Variants in OR2L5 observed in about 807,000 individuals in gnomAD.
OR2L5 encodes olfactory receptor 2L5.
For missense variants in OR2L5, 413 were observed against 381.6 expected, an observed-to-expected ratio of 1.08 and a Z score of -0.69; for synonymous variants, 169 against 142.0, an observed-to-expected ratio of 1.19 and a Z score of -1.35.
intron 1 of OR2L5, among the ~76,000 whole-genome samples, chr1:248,017,658 A>G (rs1474735000): frequency 6.6e-6 from 1 of 151,796 alleles, no homozygotes; most frequent in Non-Finnish European, 1.5e-5. Context: ...GGGTGAGGAG[A>G]TGGGGGTCCA....
At chr1:248,019,434 C>T (rs148638171) in intron 1 of OR2L5, among the ~76,000 whole-genome samples, 168 of 152,206 alleles carry the variant, frequency 1.1e-3, no homozygotes, top group African/African-American at 3.8e-3. Flanking sequence ...ATCGAGAAGC[C>T]TCTCAATCAT....
chr1:248,019,110 A>T (rs999689191), intron 1 of OR2L5, among the ~76,000 whole-genome samples: 1 of 152,110 alleles, frequency 6.6e-6, no homozygotes, highest in Non-Finnish European at 1.5e-5. Flanking sequence ...CCATATAAGT[A>T]TCTTTCTGAG....
intron 1 of OR2L5, among the ~76,000 whole-genome samples, chr1:248,017,128 A>C (rs74153010): frequency 0.036 from 5,500 of 152,224 alleles, 305 homozygotes; most frequent in African/African-American, 0.13. Context: ...TGACATCATT[A>C]ATGCTGATGC....
Position 248,022,202 on chromosome 1 carries a change from G to T in OR2L5, c.255G>T (p.Leu85=), listed in dbSNP as rs771992703. 2 of 1,613,946 alleles carry T rather than the reference G, an allele frequency of 1.2e-6. No homozygotes were observed. Among genetic ancestry groups the T allele is most frequent in the African/African-American group, 2.7e-5 (2 of 74,890 alleles). Residue 85 remains leucine, a synonymous_variant, in exon 2 of 2, where the codon CTG becomes CTT. Transcript: ENST00000355281. Reference sequence around the variant, plus strand: ...TTCCTAAGATGGCTTCTGATTTTCTGTATGGAAACAAGTCTATCTCCTTCA... The same window carrying T: ...TTCCTAAGATGGCTTCTGATTTTCTTTATGGAAACAAGTCTATCTCCTTCA... ...TIVPKMASDF[L]YGNKSISFIG...
chr1:248,022,070 C>T lies in OR2L5; in HGVS notation c.123C>T (p.Asn41=), dbSNP rs778111135. The part of the protein sequence containing the change: ...VLIFLMALIG[N]LSMILLIFLD... ...TTTTCCTAATGGCTCTAATTGGAAA[C>T]CTATCCATGATTCTTCTCATCTTCT... Residue 41 remains asparagine (N), a synonymous_variant, in exon 2 of 2, where the codon AAC becomes AAT. Transcript: ENST00000355281. The T allele has an allele frequency of 1.1e-5, 18 of 1,613,818 alleles. No individual in the cohort carries two copies. Among genetic ancestry groups the T allele is most frequent in the African/African-American group, 6.7e-5 (5 of 74,922 alleles).
rs561696753 is a variant in OR2L5, at chr1:248,022,943, A to G, written c.*57A>G. 3.8e-5 allele frequency: 55 copies of G among 1,462,888 alleles called. No individual in the cohort carries two copies. The highest frequency in any genetic ancestry group is 5.0e-5 in the Non-Finnish European group (54 of 1,083,826). 90.6% of individuals were successfully genotyped at this position (1,462,888 alleles called of 1,614,324 possible). A position where few individuals can be genotyped will look rare whatever the true frequency, so the allele number is the denominator to read the frequency against. ...GGTTCATATCAACTCAGCAGTGTAC[A>G]GCAGTGAAGAAAAACATTATTACAT... On this transcript the variant is annotated 3_prime_UTR_variant, in exon 2 of 2. Coordinates refer to ENST00000355281, the MANE Select transcript of OR2L5 (RefSeq NM_001258284.2).
intron 1 of OR2L5, among the ~76,000 whole-genome samples, chr1:248,017,015 C>T (rs891913747): frequency 2.6e-5 from 4 of 152,118 alleles, no homozygotes; most frequent in African/African-American, 9.7e-5. Context: ...ATAATGTTAT[C>T]GTTCCTTTCA....
At chr1:248,017,494 G>A (rs560404390) in intron 1 of OR2L5, among the ~76,000 whole-genome samples, 1 of 152,212 alleles carries the variant, frequency 6.6e-6, no homozygotes, top group South Asian at 2.1e-4. Flanking sequence ...GCAAAGTCAT[G>A]TTAACAAGAG....
chr1:248,020,938 C>G (rs1662319529), intron 1 of OR2L5, among the ~76,000 whole-genome samples: 2 of 151,432 alleles, frequency 1.3e-5, no homozygotes, highest in African/African-American at 4.8e-5. Context: ...AATTATTATG[C>G]AAAGACAATT....
chr1:248,016,593 C>G (rs1334275093), intron 1 of OR2L5, among the ~76,000 whole-genome samples: 1 of 151,938 alleles, frequency 6.6e-6, no homozygotes, highest in African/African-American at 2.4e-5. Context: ...GTAAATTTAA[C>G]CTCTGTCTTT....
At chr1:248,021,033 AATCATCCAGAAAAC>A (rs1175599920) in intron 1 of OR2L5, among the ~76,000 whole-genome samples, 2 of 152,014 alleles carry the variant, frequency 1.3e-5, no homozygotes, top group Admixed American at 6.6e-5. Flanking sequence ...TGTAGAAAAA[AATCATCCAGAAAAC>A]ATAATGCTAA....
In OR2L5 at chr1:248,022,265, T is replaced by C; in HGVS notation, c.318T>C (p.Phe106=). The part of the protein sequence containing the change: ...CGIQSFFFMT[F]AGAEALLLTS... The stretch of plus-strand genomic sequence containing the variant: ...TTCAGAGTTTCTTCTTCATGACTTT[T>C]GCAGGTGCAGAAGCGCTGCTCCTGA... The change falls in exon 2 of 2, where the codon TTT becomes TTC. Residue 106 remains phenylalanine (F), a synonymous_variant. Coordinates refer to ENST00000355281, the MANE Select transcript of OR2L5 (RefSeq NM_001258284.2). The C allele has an allele frequency of 1.9e-6, 3 of 1,614,222 alleles. No homozygotes were observed. Among genetic ancestry groups the C allele is most frequent in the Non-Finnish European group, 2.5e-6 (3 of 1,180,038 alleles).
chr1:248,014,616 C>G (rs1317291907), intron 1 of OR2L5, among the ~76,000 whole-genome samples: 3 of 152,072 alleles, frequency 2.0e-5, no homozygotes, highest in Non-Finnish European at 4.4e-5. Context: ...TATTACTCTA[C>G]AGTCATAGCA....
intron 1 of OR2L5, among the ~76,000 whole-genome samples, chr1:248,018,794 T>C (rs1022512044): frequency 1.3e-5 from 2 of 152,200 alleles, no homozygotes; most frequent in Admixed American, 6.5e-5. Context: ...CTCCACACAA[T>C]TATTCTCCTT....
In OR2L5 at chr1:248,022,741, G is replaced by T; in HGVS notation, c.794G>T (p.Arg265Leu). Residue 265 changes from arginine to leucine, a missense_variant, in exon 2 of 2, where the codon CGA becomes CTA. Arg to Leu is a moderately radical substitution (Grantham distance 102). Transcript: ENST00000355281. ...AYTYLCPRSLRSLTEDKVLAV... is the reference protein window; with the variant it reads ...AYTYLCPRSLLSLTEDKVLAV... ...ACCTATCTATGTCCAAGATCCCTGCGATCTCTGACAGAGGACAAGGTTCTG... is the reference window on the plus strand; with the variant it reads ...ACCTATCTATGTCCAAGATCCCTGCTATCTCTGACAGAGGACAAGGTTCTG... 1 of 1,614,012 alleles carries T rather than the reference G, an allele frequency of 6.2e-7. No individual in the cohort carries two copies. Among genetic ancestry groups the T allele is most frequent in the Non-Finnish European group, 8.5e-7 (1 of 1,180,006 alleles).
intron 1 of OR2L5, among the ~76,000 whole-genome samples, chr1:248,017,935 G>A (rs1017462348): frequency 5.9e-5 from 9 of 151,852 alleles, no homozygotes; most frequent in African/African-American, 1.9e-4. Flanking sequence ...AAATACATTC[G>A]TATCGAGACC....
rs756499116 is a variant in OR2L5, at chr1:248,022,883, G to A, written c.936G>A (p.Met312Ile). ...RVIQNIFSVKM is the reference protein window; with the variant it reads ...RVIQNIFSVKI ...TTCAGAATATCTTCTCGGTGAAAAT[G>A]TAGACATACGTTCTGTGTTAGAGTC... The change falls in exon 2 of 2, where the codon ATG becomes ATA. Residue 312 changes from methionine to isoleucine, a missense_variant. Transcript: ENST00000355281. 3.5e-5 allele frequency: 56 copies of A among 1,601,890 alleles called. No individual in the cohort carries two copies. The highest frequency in any genetic ancestry group is 4.6e-5 in the Non-Finnish European group (54 of 1,174,152).
At position 248,017,294 on chromosome 1, in the gene OR2L5, CTT is replaced by C. The variant is rs1284132969; in HGVS notation, c.-22+3557_-22+3558del. ...TTTTTACATAAGAAAAAAATGTCCT[CTT>C]CACATTACTGAAACAGATGTATAAT... is the stretch of plus-strand genomic sequence containing the variant. On this transcript the variant is annotated intron_variant, in intron 1 of 1. Transcript: ENST00000355281. 3.3e-5 allele frequency among the ~76,000 whole-genome samples: 5 copies of C among 152,292 alleles called. No homozygotes were observed. The South Asian group carries it at 1.0e-3, about 32-fold the overall frequency.
chr1:248,023,115 G>A lies in OR2L5; in HGVS notation c.*229G>A, dbSNP rs550695554. 4 of 383,462 alleles carry A rather than the reference G, an allele frequency of 1.0e-5. No homozygotes were observed. Among genetic ancestry groups the A allele is most frequent in the Non-Finnish European group, 1.9e-5 (4 of 214,866 alleles). 23.8% of individuals were successfully genotyped at this position (383,462 alleles called of 1,614,324 possible). A position where few individuals can be genotyped will look rare whatever the true frequency, so the allele number is the denominator to read the frequency against. On this transcript the variant is annotated 3_prime_UTR_variant, in exon 2 of 2. Transcript: ENST00000355281. ...CAGATCATATATTTTACACTAAATT[G>A]TAAGGCCATAGAATTTCATTATCAT...
Sources: allele counts gnomAD v4.1 joint callset (sites outside exome capture counted in the v4.1 genomes callset), GRCh38; gene constraint gnomAD v4.1.1; transcripts MANE v1.5; gene names NCBI Gene and HGNC (gene_info 2026-07-23, HGNC 2026-07-21).